The following GASK1A variants were observed in gnomAD, a reference collection of about 807,000 sequenced individuals.
GASK1A encodes the protein golgi associated kinase 1A, also known as Golgi-associated kinase 1A.
A neutral mutation model predicts 41.2 loss-of-function variants in GASK1A; 40 were observed. The observed-to-expected ratio is 0.97, with a 90% CI of 0.75 to 1.27. The LOEUF is 1.27. Among genes scored for constraint, GASK1A ranks in the 50% most tolerant of loss-of-function variants. The pLI is 0.00. For missense variants in GASK1A, 678 were observed against 745.1 expected, an observed-to-expected ratio of 0.91 and a Z score of 1.05; for synonymous variants, 316 against 307.1, an observed-to-expected ratio of 1.03 and a Z score of -0.30.
Position 43,007,979 on chromosome 3 carries a change from T to TTTGC in GASK1A, c.4-24268_4-24265dup, listed in dbSNP as rs570993059. ...AGAGGATGGCTTCCAGCTCTCCGGGTTTGCTTGCTTGCTTGCTTGCTTGGA... is the reference window on the plus strand; with the variant it reads ...AGAGGATGGCTTCCAGCTCTCCGGGTTTGCTTGCTTGCTTGCTTGCTTGCTTGGA... On this transcript the variant is annotated intron_variant, in intron 1 of 4. Coordinates refer to ENST00000430121, the MANE Select transcript of GASK1A (RefSeq NM_001129908.3). 2.8e-3 allele frequency among the ~76,000 whole-genome samples: 431 copies of TTTGC among 152,210 alleles called. 3 individuals carry two copies. Among genetic ancestry groups the TTTGC allele is most frequent in the African/African-American group, 9.4e-3 (392 of 41,556 alleles).
chr3:43,054,189 C>T (rs1575454098), intron 3 of GASK1A: 1 of 197,254 alleles, frequency 5.1e-6, no homozygotes, highest in East Asian at 1.2e-4. Flanking sequence ...GGTGCTTCCC[C>T]CGGGGAAGGG....
At chr3:42,992,974 T>A (rs2125674491) in intron 1 of GASK1A, among the ~76,000 whole-genome samples, 1 of 152,348 alleles carries the variant, frequency 6.6e-6, no homozygotes, top group African/African-American at 2.4e-5. Flanking sequence ...AGTTTGAACA[T>A]TCAGCAGTCT....
At chr3:43,022,305 T>G (rs1054473269) in intron 1 of GASK1A, among the ~76,000 whole-genome samples, 5 of 152,234 alleles carry the variant, frequency 3.3e-5, no homozygotes, top group African/African-American at 1.2e-4. Context: ...CGTTTTGAAC[T>G]TTTCTCTCTG....
At chr3:43,006,309 T>A (rs1276012166) in intron 1 of GASK1A, among the ~76,000 whole-genome samples, 1 of 152,132 alleles carries the variant, frequency 6.6e-6, no homozygotes, top group African/African-American at 2.4e-5. Context: ...CTGCATCCCA[T>A]GTCTTCCTCT....
intron 2 of GASK1A, among the ~76,000 whole-genome samples, chr3:43,046,413 G>C (rs186647271): frequency 6.6e-6 from 1 of 152,272 alleles, no homozygotes; most frequent in East Asian, 1.9e-4. Flanking sequence ...ATGATTTAAG[G>C]TATCTGGCAG....
At chr3:43,055,836 C>G in intron 4 of GASK1A, 1 of 471,476 alleles carries the variant, frequency 2.1e-6, no homozygotes, top group Admixed American at 3.5e-5. Flanking sequence ...GAGAGTCTAC[C>G]CCTCCCAGCT....
intron 1 of GASK1A, among the ~76,000 whole-genome samples, chr3:43,009,347 T>G (rs1033395001): frequency 6.6e-6 from 1 of 152,244 alleles, no homozygotes. Context: ...TCCAGGTATT[T>G]CTCAGGTCTT....
Position 43,056,489 on chromosome 3 carries a change from C to T in GASK1A, c.*103C>T, listed in dbSNP as rs2089717186. ...TGGGAAAAGCCAGAAGCCAGAGGGG[C>T]ACAAGGATGTCACGGGATATTTCAC... is the stretch of plus-strand genomic sequence containing the variant. On this transcript the variant is annotated 3_prime_UTR_variant, in exon 5 of 5. Coordinates refer to ENST00000430121, the MANE Select transcript of GASK1A (RefSeq NM_001129908.3). 2 of 1,028,434 alleles carry T rather than the reference C, an allele frequency of 1.9e-6. No individual in the cohort carries two copies. Among genetic ancestry groups the T allele is most frequent in the Non-Finnish European group, 2.8e-6 (2 of 720,888 alleles). The allele number at this position is 1,028,434 out of a possible 1,614,324, so 63.7% of individuals were successfully genotyped here.
intron 2 of GASK1A, among the ~76,000 whole-genome samples, chr3:43,049,054 G>T (rs907402997): frequency 3.3e-5 from 5 of 152,188 alleles, no homozygotes; most frequent in Non-Finnish European, 5.9e-5. Context: ...AGGATGGAGG[G>T]TATATGGTTA....
chr3:42,983,408 A>G (rs1233890446), intron 1 of GASK1A, among the ~76,000 whole-genome samples: 1 of 150,972 alleles, frequency 6.6e-6, no homozygotes, highest in African/African-American at 2.4e-5. Context: ...TGCTTCTGGG[A>G]CTCTTCTCTA....
rs150769674 is a variant in GASK1A at position 42,987,115 on chromosome 3, C to T, written c.3+7470C>T. ...TCTTAACAAAGCAATTTTACTTCTG[C>T]GCAGAGGGGTGCCTCCTTGGCCAGT... On this transcript the variant is annotated intron_variant, in intron 1 of 4. Transcript: ENST00000430121. 7.7e-3 allele frequency among the ~76,000 whole-genome samples: 1,170 copies of T among 152,350 alleles called. 13 individuals are homozygous for T. The highest frequency in any genetic ancestry group is 0.026 in the African/African-American group (1,067 of 41,588).
rs778488542 is a variant in GASK1A, at chr3:43,032,485, C to T, written c.222C>T (p.Asn74=). The change falls in exon 2 of 5, where the codon AAC becomes AAT. Residue 74 remains asparagine (N), a synonymous_variant. Coordinates refer to ENST00000430121, the MANE Select transcript of GASK1A (RefSeq NM_001129908.3). ...CCAGCCGGAGGCAGCGGGCAAGAAA[C>T]ATGGGCTTCTGGAGAAGCCGTGCTT... ...LSSSRRQRAR[N]MGFWRSRALP... 362 of 1,550,844 alleles carry T rather than the reference C, an allele frequency of 2.3e-4. 1 individual carries two copies. Among genetic ancestry groups the T allele is most frequent in the Non-Finnish European group, 6.9e-5 (79 of 1,146,394 alleles).
intron 1 of GASK1A, among the ~76,000 whole-genome samples, chr3:43,009,720 G>T (rs548202621): frequency 6.6e-6 from 1 of 152,222 alleles, no homozygotes; most frequent in Non-Finnish European, 1.5e-5. Context: ...CAAACTCATG[G>T]TGTCATCAGA....
At chr3:42,994,908 T>C (rs1421332135) in intron 1 of GASK1A, among the ~76,000 whole-genome samples, 1 of 152,236 alleles carries the variant, frequency 6.6e-6, no homozygotes, top group African/African-American at 2.4e-5. Flanking sequence ...CTTTCTGAGA[T>C]GATGGAAATG....
chr3:42,988,868 A>T (rs1457261859), intron 1 of GASK1A, among the ~76,000 whole-genome samples: 3 of 152,124 alleles, frequency 2.0e-5, no homozygotes, highest in African/African-American at 7.2e-5. Context: ...AGCAGGACAA[A>T]CCCAATGGTT....
chr3:43,051,797 C>A (rs1039787505), intron 2 of GASK1A, among the ~76,000 whole-genome samples: 6 of 152,140 alleles, frequency 3.9e-5, no homozygotes, highest in Non-Finnish European at 8.8e-5. Context: ...AGGGAATCAC[C>A]AGACACGTCA....
intron 1 of GASK1A, among the ~76,000 whole-genome samples, chr3:42,990,913 G>A (rs1393196194): frequency 6.6e-6 from 1 of 152,186 alleles, no homozygotes; most frequent in East Asian, 1.9e-4. Context: ...ACCTGAATGA[G>A]CTCGAGGCTT....
At chr3:42,990,905 C>T (rs559346176) in intron 1 of GASK1A, among the ~76,000 whole-genome samples, 1 of 152,288 alleles carries the variant, frequency 6.6e-6, no homozygotes, top group South Asian at 2.1e-4. Context: ...GGACCCAAAC[C>T]TGAATGAGCT....
At chr3:43,006,125 A>AC (rs1321610686) in intron 1 of GASK1A, among the ~76,000 whole-genome samples, 2 of 151,994 alleles carry the variant, frequency 1.3e-5, no homozygotes, top group African/African-American at 4.8e-5. Flanking sequence ...CTTCCTCTTA[A>AC]TAGACTCAAG....
Sources: allele counts gnomAD v4.1 joint callset (sites outside exome capture counted in the v4.1 genomes callset), GRCh38; gene constraint gnomAD v4.1.1; transcripts MANE v1.5; gene names NCBI Gene and HGNC (gene_info 2026-07-23, HGNC 2026-07-21).